Variants in TRPM8 observed in about 807,000 individuals in gnomAD.
TRPM8 encodes the protein transient receptor potential cation channel subfamily M member 8.
Under a neutral mutation model 133.7 loss-of-function variants are expected in TRPM8, and 110 were observed. The ratio of observed to expected loss-of-function variants is 0.82; its 90% CI spans 0.70 to 0.96. The LOEUF (loss-of-function observed/expected upper bound fraction) is 0.96, where lower values mean the gene tolerates loss of function less well. Among genes scored for constraint, TRPM8 ranks in the 40% least tolerant of loss-of-function variants. The pLI is 0.00. For synonymous variants in TRPM8, 535 were observed against 532.3 expected, an observed-to-expected ratio of 1.01 and a Z score of -0.07; for missense variants, 1,291 against 1,379.5, an observed-to-expected ratio of 0.94 and a Z score of 1.02.
At chr2:233,926,060 G>A (rs1025829635) in intron 1 of TRPM8, among the ~76,000 whole-genome samples, 10 of 152,136 alleles carry the variant, frequency 6.6e-5, no homozygotes, top group Non-Finnish European at 1.5e-5. Context: ...TCAGGGGCAG[G>A]GGTCTTCTTT....
chr2:233,958,285 C>A (rs952254526), intron 11 of TRPM8, among the ~76,000 whole-genome samples: 2 of 152,116 alleles, frequency 1.3e-5, no homozygotes, highest in Admixed American at 6.5e-5. Flanking sequence ...AAGAGCAAAC[C>A]GAGGCTCAGA....
chr2:233,966,638 T>G lies in TRPM8; in HGVS notation c.1908T>G (p.Asp636Glu). Residue 636 changes from aspartate to glutamate, a missense_variant, in exon 15 of 26, where the codon GAT becomes GAG. Asp to Glu is a conservative substitution (Grantham distance 45). Transcript: ENST00000324695. ...TGTTCACTGAGTGTTACAGCAGCGA[T>G]GAAGACTTGGCAGAACAGCTGCTGG... Reference protein sequence around the residue: ...VELFTECYSSDEDLAEQLLVY... With the variant: ...VELFTECYSSEEDLAEQLLVY... 6.2e-7 allele frequency: 1 copy of G among 1,614,122 alleles called. No individual in the cohort carries two copies. Among genetic ancestry groups the G allele is most frequent in the South Asian group, 1.1e-5 (1 of 91,080 alleles).
chr2:233,940,331 GTTT>G lies in TRPM8; in HGVS notation c.526+1159_526+1161del, dbSNP rs199867587. 8.2e-3 allele frequency among the ~76,000 whole-genome samples: 1,204 copies of G among 146,944 alleles called. 9 individuals are homozygous for G. The highest frequency in any genetic ancestry group is 0.027 in the African/African-American group (1,060 of 39,660). On this transcript the variant is annotated intron_variant, in intron 5 of 25. Transcript: ENST00000324695. Reference sequence around the variant, plus strand: ...AGAAGAAACTGAGATGTTTTGTTTTGTTTTTCCCATTTATTTTTCTCAGTTTCC... The same window carrying G: ...AGAAGAAACTGAGATGTTTTGTTTTGTTCCCATTTATTTTTCTCAGTTTCC...
chr2:233,960,381 G>A (rs1362721024), intron 11 of TRPM8, among the ~76,000 whole-genome samples: 1 of 152,116 alleles, frequency 6.6e-6, no homozygotes, highest in Non-Finnish European at 1.5e-5. Context: ...TCAAAGAGGT[G>A]GTTCCAGCTC....
intron 2 of TRPM8, among the ~76,000 whole-genome samples, chr2:233,927,898 CTT>C (rs1198231669): frequency 1.4e-5 from 1 of 72,878 alleles, no homozygotes; most frequent in Non-Finnish European, 2.2e-5. Context: ...TTCTTTCTTT[CTT>C]TCTTTCTTTC....
chr2:233,984,421 G>A (rs145099818), intron 20 of TRPM8, among the ~76,000 whole-genome samples: 5 of 152,204 alleles, frequency 3.3e-5, no homozygotes, highest in South Asian at 2.1e-4. Flanking sequence ...AACTTCCCCC[G>A]ATGCCCTCCT....
Position 233,921,585 on chromosome 2 carries a change from T to C in TRPM8, c.-6+4153T>C, listed in dbSNP as rs993003472. On this transcript the variant is annotated intron_variant, in intron 1 of 25. Transcript: ENST00000324695. ...TGGGATGGGGAAAAGGGAGAATCAT[T>C]TATACAGGCAAAGCCAGAGGTGCCG... Among the ~76,000 whole-genome samples the C allele has an allele frequency of 3.9e-5, 6 of 152,164 alleles. No individual in the cohort carries two copies. In the East Asian group the frequency reaches 1.2e-3, roughly 29 times the overall value.
At chr2:233,945,570 A>T (rs1358328241) in intron 6 of TRPM8, among the ~76,000 whole-genome samples, 5 of 152,226 alleles carry the variant, frequency 3.3e-5, no homozygotes, top group Non-Finnish European at 5.9e-5. Context: ...AAAAGAGCAC[A>T]GGGCAATGAA....
chr2:233,945,906 G>A lies in TRPM8; in HGVS notation c.750G>A (p.Leu250=), dbSNP rs11562975. Residue 250 remains leucine (L), a synonymous_variant, in exon 7 of 26, where the codon CTG becomes CTA. Transcript: ENST00000324695. ...TGGATGACTTCACAAGAGATCCACT[G>A]TATATCCTGGACAACAACCACACAC... The part of the protein sequence containing the change: ...YLMDDFTRDP[L]YILDNNHTHL... 2 of 1,614,028 alleles carry A rather than the reference G, an allele frequency of 1.2e-6. No individual in the cohort carries two copies. The highest frequency in any genetic ancestry group is 1.3e-5 in the African/African-American group (1 of 75,010).
At chr2:233,958,277 G>A (rs1691340274) in intron 11 of TRPM8, among the ~76,000 whole-genome samples, 1 of 152,196 alleles carries the variant, frequency 6.6e-6, no homozygotes, top group Non-Finnish European at 1.5e-5. Flanking sequence ...TTTCTTAGAA[G>A]AGCAAACCGA....
Position 233,983,112 on chromosome 2 carries a change from G to A in TRPM8, c.2649G>A (p.Val883=), listed in dbSNP as rs200721364. ...CGGTGTGGATGGTGGCCTTTGGCGT[G>A]GCCAGGCAAGGGATCCTTAGGCAGA... ...LFAVWMVAFG[V]ARQGILRQNE... The change falls in exon 20 of 26, where the codon GTG becomes GTA. Residue 883 remains valine (V), a synonymous_variant. Coordinates refer to ENST00000324695, the MANE Select transcript of TRPM8 (RefSeq NM_024080.5). The A allele has an allele frequency of 6.2e-7, 1 of 1,614,152 alleles. No homozygotes were observed. Among genetic ancestry groups the A allele is most frequent in the Non-Finnish European group, 8.5e-7 (1 of 1,180,030 alleles).
At chr2:233,999,487 T>C (rs1038567480) in intron 22 of TRPM8, among the ~76,000 whole-genome samples, 1 of 151,418 alleles carries the variant, frequency 6.6e-6, no homozygotes, top group Non-Finnish European at 1.5e-5. Context: ...AAGGACAGCC[T>C]GCCCGGTGGG....
chr2:233,999,992 A>G (rs1205909299), intron 22 of TRPM8, among the ~76,000 whole-genome samples: 1 of 151,606 alleles, frequency 6.6e-6, no homozygotes, highest in Non-Finnish European at 1.5e-5. Context: ...ATATATTTTC[A>G]CAAGTAATTT....
intron 21 of TRPM8, among the ~76,000 whole-genome samples, chr2:233,986,486 T>C (rs960593456): frequency 2.6e-5 from 4 of 152,222 alleles, no homozygotes; most frequent in Non-Finnish European, 5.9e-5. Context: ...GGGAGAGCCT[T>C]GGTTTTATAT....
intron 17 of TRPM8, among the ~76,000 whole-genome samples, chr2:233,976,111 A>G (rs183851391): frequency 6.6e-6 from 1 of 152,278 alleles, no homozygotes; most frequent in East Asian, 1.9e-4. Flanking sequence ...GCACTGTTCT[A>G]GACAGCAATG....
At chr2:233,924,816 G>A (rs940929986) in intron 1 of TRPM8, among the ~76,000 whole-genome samples, 1 of 152,228 alleles carries the variant, frequency 6.6e-6, no homozygotes, top group East Asian at 1.9e-4. Context: ...GAAGCAGTTT[G>A]CTGTAAGGGA....
intron 21 of TRPM8, 37 bp downstream of exon 21, chr2:233,985,902 T>A: frequency 6.4e-7 from 1 of 1,572,416 alleles, no homozygotes; most frequent in Non-Finnish European, 8.7e-7. Context: ...ATGTCCACCC[T>A]GGGCCAAGCC....
chr2:234,008,719 T>C, intron 24 of TRPM8, among the ~76,000 whole-genome samples: 1 of 152,180 alleles, frequency 6.6e-6, no homozygotes, highest in Non-Finnish European at 1.5e-5. Flanking sequence ...GACCTCCCAG[T>C]GTTGTGGCTG....
At chr2:234,011,371 T>G (rs1692832554) in intron 24 of TRPM8, among the ~76,000 whole-genome samples, 1 of 152,234 alleles carries the variant, frequency 6.6e-6, no homozygotes, top group Admixed American at 6.5e-5. Flanking sequence ...AGCTTTGTAA[T>G]ATAATTTGAA....
Sources: gnomAD v4.1 joint callset for allele counts (sites outside exome capture counted in the v4.1 genomes callset) on GRCh38, gnomAD v4.1.1 for gene constraint, MANE v1.5 for transcripts, NCBI Gene and HGNC (gene_info 2026-07-23, HGNC 2026-07-21) for gene names.